VPS37A: variants seen among roughly 807,000 people sequenced by gnomAD.
VPS37A encodes the protein vacuolar protein sorting-associated protein 37A.
In VPS37A, 30 loss-of-function variants were observed where a neutral mutation model predicts 49.8. That is an observed-to-expected ratio of 0.60 (90% CI 0.45 to 0.82). The LOEUF is 0.82. Ranked by LOEUF, VPS37A falls within the 40% of genes least tolerant of loss-of-function variation. The pLI is 0.00. For synonymous variants in VPS37A, 195 were observed against 160.6 expected (o/e 1.21, Z -1.62); for missense variants, 593 against 464.4 (o/e 1.28, Z -2.55).
intron 5 of VPS37A, 28 bp downstream of exon 5, chr8:17,274,986 G>T (rs1163421568): frequency 1.9e-6 from 3 of 1,596,344 alleles, no homozygotes; most frequent in East Asian, 2.2e-5. Flanking sequence ...TCTATATTTT[G>T]TGCCACTGAA....
chr8:17,271,280 T>A (rs1813960395), intron 4 of VPS37A, among the ~76,000 whole-genome samples: 1 of 152,218 alleles, frequency 6.6e-6, no homozygotes, highest in Admixed American at 6.5e-5. Flanking sequence ...TCTCTGTCCC[T>A]TGTAGACCCA....
At chr8:17,290,233 G>T (rs1174283799) in intron 11 of VPS37A, among the ~76,000 whole-genome samples, 2 of 152,052 alleles carry the variant, frequency 1.3e-5, no homozygotes, top group Non-Finnish European at 2.9e-5. Context: ...TTCCAGTACT[G>T]TGTTGAATAG....
intron 10 of VPS37A, among the ~76,000 whole-genome samples, chr8:17,285,132 C>G (rs897052218): frequency 2.6e-5 from 4 of 151,972 alleles, no homozygotes; most frequent in African/African-American, 9.7e-5. Flanking sequence ...CATTACTGAA[C>G]TGGAGTTTTG....
At chr8:17,307,119 A>G (rs1397909837), downstream of VPS37A, among the ~76,000 whole-genome samples, 2 of 152,204 alleles carry the variant, frequency 1.3e-5, no homozygotes, top group African/African-American at 2.4e-5. Flanking sequence ...AAAATGGGAG[A>G]AAATTTTTGC....
intron 1 of VPS37A, among the ~76,000 whole-genome samples, chr8:17,254,844 C>G (rs535864041): frequency 1.2e-4 from 19 of 152,078 alleles, no homozygotes; most frequent in Non-Finnish European, 1.9e-4. Flanking sequence ...AATAAAAAAT[C>G]TGTTTTGATT....
chr8:17,268,112 C>T (rs564291463), intron 2 of VPS37A, 146 bp from the exon 3 acceptor site: 7 of 558,528 alleles, frequency 1.3e-5, no homozygotes, highest in South Asian at 1.1e-4. Flanking sequence ...TCAGACAACA[C>T]CATAATAGAG....
chr8:17,293,720 T>C (rs1816355081), intron 11 of VPS37A, among the ~76,000 whole-genome samples: 1 of 152,230 alleles, frequency 6.6e-6, no homozygotes, highest in Non-Finnish European at 1.5e-5. Flanking sequence ...CTTCTGCAGG[T>C]CTGCTGGAGT....
rs894488995 is a variant in VPS37A, at chr8:17,297,195, A to G, written c.*2209A>G. Reference sequence around the variant, plus strand: ...AATTAAAGAGGAATACTTAGGAGTTACTAGGCTAATCAGTGTACGAATTTG... The same window carrying G: ...AATTAAAGAGGAATACTTAGGAGTTGCTAGGCTAATCAGTGTACGAATTTG... On this transcript the variant is annotated 3_prime_UTR_variant, in exon 12 of 12. Coordinates refer to ENST00000324849, the MANE Select transcript of VPS37A (RefSeq NM_152415.3). The G allele has an allele frequency of 3.3e-5, 5 of 152,214 alleles. No individual in the cohort carries two copies. Among genetic ancestry groups the G allele is most frequent in the Admixed American group, 3.3e-4 (5 of 15,280 alleles). 9.4% of individuals were successfully genotyped at this position (152,214 alleles called of 1,614,324 possible).
intron 11 of VPS37A, among the ~76,000 whole-genome samples, chr8:17,291,146 G>A (rs1816109263): frequency 6.6e-6 from 1 of 152,090 alleles, no homozygotes; most frequent in African/African-American, 2.4e-5. Flanking sequence ...CCAAGTAGCT[G>A]GGATTATAGG....
intron 6 of VPS37A, 78 bp downstream of exon 6, chr8:17,276,545 A>G (rs1814530943): frequency 2.9e-6 from 4 of 1,384,124 alleles, no homozygotes; most frequent in Middle Eastern, 2.0e-4. Flanking sequence ...TCATATCCAT[A>G]TAAATTAAAG....
the VPS37A span, among the ~76,000 whole-genome samples, chr8:17,322,501 G>A: frequency 6.6e-6 from 1 of 152,266 alleles, no homozygotes; most frequent in South Asian, 2.1e-4. Context: ...ATTAACTGCA[G>A]AGGTGTGTAA....
chr8:17,281,718 T>A (rs142453356), intron 9 of VPS37A, among the ~76,000 whole-genome samples: 4 of 152,052 alleles, frequency 2.6e-5, no homozygotes, highest in African/African-American at 9.6e-5. Context: ...CAATCAAAAA[T>A]TCTAGAGAAC....
chr8:17,331,469 A>T, the VPS37A span, among the ~76,000 whole-genome samples: 2 of 152,214 alleles, frequency 1.3e-5, no homozygotes, highest in Admixed American at 1.3e-4. Flanking sequence ...CTGAGCTTAT[A>T]TTCAACAGCA....
the VPS37A span, among the ~76,000 whole-genome samples, chr8:17,314,282 TTTTTA>T: frequency 1.3e-5 from 2 of 152,182 alleles, no homozygotes; most frequent in African/African-American, 4.8e-5. Context: ...CATAGATTTC[TTTTTA>T]TTTTATTGTT....
chr8:17,302,391 C>T (rs1439022412), downstream of VPS37A: 5 of 1,244,096 alleles, frequency 4.0e-6, no homozygotes, highest in Admixed American at 2.8e-5. Flanking sequence ...TAACCAAATG[C>T]AAATTTCAGC....
At chr8:17,250,174 C>T (rs1427386331) in intron 1 of VPS37A, among the ~76,000 whole-genome samples, 1 of 152,096 alleles carries the variant, frequency 6.6e-6, no homozygotes, top group South Asian at 2.1e-4. Flanking sequence ...ATGACTTCTT[C>T]AATGGAGAAA....
At position 17,297,891 on chromosome 8, in the gene VPS37A, C is replaced by T. The variant is rs980741480; in HGVS notation, c.*2905C>T. ...ATGTTACATAAATTATAATGTCTGT[C>T]TTGTAAAAAAGTTGAGGGGACTAAA... On this transcript the variant is annotated 3_prime_UTR_variant, in exon 12 of 12. Coordinates refer to ENST00000324849, the MANE Select transcript of VPS37A (RefSeq NM_152415.3). 6.6e-6 allele frequency: 1 copy of T among 151,892 alleles called. No homozygotes were observed. The highest frequency in any genetic ancestry group is 2.4e-5 in the African/African-American group (1 of 41,402). 9.4% of individuals were successfully genotyped at this position (151,892 alleles called of 1,614,324 possible). A position where few individuals can be genotyped will look rare whatever the true frequency, so the allele number is the denominator to read the frequency against.
the VPS37A span, chr8:17,309,183 AAAAC>A: frequency 1.1e-6 from 1 of 875,820 alleles, no homozygotes; most frequent in Non-Finnish European, 1.8e-6. Flanking sequence ...ACAAACTCAA[AAAAC>A]AAGACGATTT....
chr8:17,311,607 A>C, the VPS37A span: 38 of 1,614,104 alleles, frequency 2.4e-5, no homozygotes, highest in East Asian at 8.0e-4. Flanking sequence ...AACAGTGAAC[A>C]AGCACACTTG....
Sources: gnomAD v4.1 joint callset for allele counts (sites outside exome capture counted in the v4.1 genomes callset) on GRCh38, gnomAD v4.1.1 for gene constraint, MANE v1.5 for transcripts, NCBI Gene and HGNC (gene_info 2026-07-23, HGNC 2026-07-21) for gene names.